The following CPED1 variants were observed in gnomAD, a reference collection of about 807,000 sequenced individuals.
The protein encoded by CPED1 is cadherin like and PC-esterase domain containing 1.
A neutral mutation model predicts 128.2 loss-of-function variants in CPED1; 114 were observed. The observed-to-expected ratio is 0.89, with a 90% confidence interval of 0.76 to 1.04. The LOEUF (loss-of-function observed/expected upper bound fraction) is 1.04. Ranked by LOEUF, CPED1 falls within the 50% of genes least tolerant of loss-of-function variation. The pLI is 0.00. For synonymous variants in CPED1, 462 were observed against 426.7 expected (o/e 1.08, Z -1.02); for missense variants, 1,211 against 1,207.1 (o/e 1.00, Z -0.05).
intron 11 of CPED1, among the ~76,000 whole-genome samples, chr7:121,129,601 C>A (rs1036042959): frequency 1.3e-5 from 2 of 151,628 alleles, no homozygotes; most frequent in African/African-American, 4.8e-5. Context: ...GAATTTATAA[C>A]TTTAGATACT....
chr7:121,200,827 A>G (rs2116562631), intron 16 of CPED1, among the ~76,000 whole-genome samples: 1 of 152,266 alleles, frequency 6.6e-6, no homozygotes, highest in South Asian at 2.1e-4. Context: ...AATCACACCA[A>G]GAAGTTAAGA....
intron 2 of CPED1, among the ~76,000 whole-genome samples, chr7:120,994,547 A>C (rs1796361155): frequency 6.6e-6 from 1 of 152,176 alleles, no homozygotes; most frequent in South Asian, 2.1e-4. Context: ...TTACATGCAG[A>C]TTAGCCTGCA....
chr7:121,124,521 A>C, intron 8 of CPED1, 48 bp downstream of exon 8: 3 of 1,281,566 alleles, frequency 2.3e-6, no homozygotes, highest in Non-Finnish European at 3.1e-6. Context: ...AAAGAAAGCA[A>C]CCTATCTTTT....
At chr7:121,036,555 G>A (rs1792898932) in intron 3 of CPED1, among the ~76,000 whole-genome samples, 3 of 150,162 alleles carry the variant, frequency 2.0e-5, no homozygotes, top group African/African-American at 4.9e-5. Context: ...AGCATTTGGG[G>A]CTGGTTCTAC....
intron 22 of CPED1, among the ~76,000 whole-genome samples, chr7:121,287,249 C>T (rs1334675002): frequency 6.6e-6 from 1 of 152,062 alleles, no homozygotes; most frequent in Non-Finnish European, 1.5e-5. Flanking sequence ...TTTATACCCC[C>T]AACCTCCTGC....
chr7:121,149,610 T>C (rs1032063261), intron 16 of CPED1: 17 of 152,234 alleles, frequency 1.1e-4, no homozygotes, highest in African/African-American at 4.1e-4. Flanking sequence ...GAATTGGGTC[T>C]TCCTAGCTTC....
intron 5 of CPED1, among the ~76,000 whole-genome samples, chr7:121,084,449 G>A (rs1794373453): frequency 6.6e-6 from 1 of 152,188 alleles, no homozygotes; most frequent in African/African-American, 2.4e-5. Flanking sequence ...CCACTCATCT[G>A]TAGAATCACC....
chr7:121,253,064 A>G (rs1362070819), intron 18 of CPED1, among the ~76,000 whole-genome samples: 14 of 152,258 alleles, frequency 9.2e-5, no homozygotes, highest in Non-Finnish European at 1.8e-4. Context: ...AACCAAGCCA[A>G]ATGTCCAACA....
At chr7:121,007,984 T>TTTCTG (rs1382820196) in intron 2 of CPED1, among the ~76,000 whole-genome samples, 1 of 151,776 alleles carries the variant, frequency 6.6e-6, no homozygotes, top group Non-Finnish European at 1.5e-5. Context: ...TTTCTTTTCT[T>TTTCTG]TCTTTCTTTC....
intron 3 of CPED1, among the ~76,000 whole-genome samples, chr7:121,042,701 A>C (rs1198709618): frequency 1.3e-5 from 2 of 152,196 alleles, no homozygotes; most frequent in Non-Finnish European, 2.9e-5. Flanking sequence ...AAAATAGAAT[A>C]ATCATATCAA....
At chr7:121,150,752 C>CATTATTATT (rs10617585) in intron 16 of CPED1, among the ~76,000 whole-genome samples, 1 of 116,372 alleles carries the variant, frequency 8.6e-6, no homozygotes, top group African/African-American at 2.8e-5. Context: ...GAGTCTAAAA[C>CATTATTATT]ATTATTATTA....
intron 16 of CPED1, among the ~76,000 whole-genome samples, chr7:121,224,791 T>C: frequency 7.0e-6 from 1 of 143,040 alleles, no homozygotes; most frequent in South Asian, 2.3e-4. Context: ...CCCCTGCTTT[T>C]TTTTTTTTTT....
chr7:121,032,044 T>C (rs966993849), intron 3 of CPED1, among the ~76,000 whole-genome samples: 9 of 152,286 alleles, frequency 5.9e-5, no homozygotes, highest in African/African-American at 2.2e-4. Flanking sequence ...CTTGTGGAAA[T>C]GTGAAATATT....
chr7:121,271,240 A>G (rs1792221720), intron 21 of CPED1, 44 bp from the exon 22 acceptor site: 2 of 1,524,878 alleles, frequency 1.3e-6, no homozygotes, highest in East Asian at 2.3e-5. Context: ...TCATAAAACA[A>G]TCCTCTGGTA....
At chr7:121,050,993 CA>C in intron 4 of CPED1, 1 of 529,568 alleles carries the variant, frequency 1.9e-6, no homozygotes, top group Non-Finnish European at 3.8e-6. Context: ...CCTGCTCCTG[CA>C]AAAGTGGAAG....
At chr7:121,095,993 A>G (rs1794689693) in intron 5 of CPED1, among the ~76,000 whole-genome samples, 1 of 152,162 alleles carries the variant, frequency 6.6e-6, no homozygotes, top group Admixed American at 6.6e-5. Flanking sequence ...CTCTGAAAAC[A>G]TAACTCTATT....
chr7:121,133,724 A>G, intron 12 of CPED1, 99 bp from the exon 13 acceptor site: 3 of 758,092 alleles, frequency 4.0e-6, no homozygotes, highest in Non-Finnish European at 6.5e-6. Flanking sequence ...TCATCAAAGT[A>G]ACTGTGCCCA....
chr7:121,220,892 A>T (rs535142421), intron 16 of CPED1, among the ~76,000 whole-genome samples: 3 of 152,010 alleles, frequency 2.0e-5, no homozygotes, highest in Non-Finnish European at 4.4e-5. Context: ...AGATCATGGT[A>T]TACATCATGT....
chr7:121,126,263 A>G (rs936870701), intron 9 of CPED1, among the ~76,000 whole-genome samples: 2 of 152,178 alleles, frequency 1.3e-5, no homozygotes, highest in African/African-American at 4.8e-5. Context: ...TATTTTTTAC[A>G]TATACATATT....
Sources: allele counts gnomAD v4.1 joint callset (sites outside exome capture counted in the v4.1 genomes callset), GRCh38; gene constraint gnomAD v4.1.1; transcripts MANE v1.5; gene names NCBI Gene and HGNC (gene_info 2026-07-23, HGNC 2026-07-21).